The following PCDH9 variants were observed in gnomAD, a reference collection of about 807,000 sequenced individuals.
The protein encoded by PCDH9 is protocadherin 9.
In PCDH9, 24 loss-of-function variants were observed where a neutral mutation model predicts 70.6. The ratio of observed to expected loss-of-function variants is 0.34; its 90% confidence interval spans 0.25 to 0.48. The LOEUF is 0.48. Among genes scored for constraint, PCDH9 ranks in the 20% least tolerant of loss-of-function variants. The pLI, the probability that PCDH9 is intolerant of heterozygous loss-of-function variation, is 0.99. For missense variants in PCDH9, 1,281 were observed against 1,503.6 expected, an observed-to-expected ratio of 0.85 and a Z score of 2.45; for synonymous variants, 562 against 558.5, an observed-to-expected ratio of 1.01 and a Z score of -0.09.
chr13:66,404,793 T>C (rs1212244245), intron 4 of PCDH9, among the ~76,000 whole-genome samples: 1 of 152,170 alleles, frequency 6.6e-6, no homozygotes, highest in East Asian at 1.9e-4. Context: ...TTTTCCCCCC[T>C]TTCTACTTTA....
chr13:66,669,785 C>T lies in PCDH9; in HGVS notation c.3139-38374G>A, dbSNP rs138976969. Among the ~76,000 whole-genome samples, 173 of 152,134 alleles carry T rather than the reference C, an allele frequency of 1.1e-3. 1 individual carries two copies. The highest frequency in any genetic ancestry group is 1.9e-3 in the Non-Finnish European group (128 of 67,998). On this transcript the variant is annotated intron_variant, in intron 3 of 4. Transcript: ENST00000377865. ...GTAAACATCATTCTCTTTCATTCCACGGTGGGAAAAACAAACCTTTTCCTC... is the reference window on the plus strand; with the variant it reads ...GTAAACATCATTCTCTTTCATTCCATGGTGGGAAAAACAAACCTTTTCCTC...
At chr13:66,595,342 C>A (rs1488793387) in intron 4 of PCDH9, among the ~76,000 whole-genome samples, 1 of 151,704 alleles carries the variant, frequency 6.6e-6, no homozygotes, top group East Asian at 1.9e-4. Context: ...CACACATGAT[C>A]ACCCCAATTG....
At chr13:66,688,568 A>C (rs953321573) in intron 3 of PCDH9, among the ~76,000 whole-genome samples, 2 of 152,126 alleles carry the variant, frequency 1.3e-5, no homozygotes, top group Non-Finnish European at 2.9e-5. Flanking sequence ...AATAGATGTA[A>C]GTATTGAAGC....
intron 4 of PCDH9, among the ~76,000 whole-genome samples, chr13:66,561,390 C>A (rs1163078921): frequency 7.2e-5 from 11 of 152,216 alleles, no homozygotes; most frequent in African/African-American, 2.7e-4. Context: ...ATCCACCACC[C>A]AAGGGCTGAG....
At chr13:66,519,746 C>T (rs183278371) in intron 4 of PCDH9, among the ~76,000 whole-genome samples, 57 of 152,224 alleles carry the variant, frequency 3.7e-4, no homozygotes, top group African/African-American at 1.3e-3. Context: ...GTATCATTCT[C>T]AATTATATAA....
intron 4 of PCDH9, among the ~76,000 whole-genome samples, chr13:66,536,879 T>C (rs949594861): frequency 3.9e-5 from 6 of 152,018 alleles, no homozygotes; most frequent in Non-Finnish European, 1.5e-5. Flanking sequence ...AGTTGAAGAA[T>C]TAAAAAAAGT....
intron 3 of PCDH9, among the ~76,000 whole-genome samples, chr13:66,753,954 CATTG>C (rs1219725971): frequency 1.3e-5 from 2 of 152,116 alleles, no homozygotes; most frequent in African/African-American, 2.4e-5. Flanking sequence ...GTTAGAAATG[CATTG>C]ATTATTAATG....
chr13:67,171,695 G>T (rs924822613), intron 2 of PCDH9, among the ~76,000 whole-genome samples: 10 of 152,130 alleles, frequency 6.6e-5, no homozygotes, highest in African/African-American at 2.2e-4. Flanking sequence ...TTTGAATTCT[G>T]CCTCAGTGAC....
At chr13:66,634,738 T>G (rs2077615561) in intron 3 of PCDH9, among the ~76,000 whole-genome samples, 1 of 152,152 alleles carries the variant, frequency 6.6e-6, no homozygotes, top group Non-Finnish European at 1.5e-5. Flanking sequence ...TTTTTAAAGC[T>G]TATGGTCTAT....
At chr13:66,467,229 T>C (rs141518640) in intron 4 of PCDH9, among the ~76,000 whole-genome samples, 145 of 152,176 alleles carry the variant, frequency 9.5e-4, no homozygotes, top group African/African-American at 3.3e-3. Context: ...AATATGTACA[T>C]GTGGAAAAAA....
At position 67,143,737 on chromosome 13, in the gene PCDH9, C is replaced by T. The variant is rs575218831; in HGVS notation, c.3036+81668G>A. Among the ~76,000 whole-genome samples, 3 of 152,144 alleles carry T rather than the reference C, an allele frequency of 2.0e-5. No individual in the cohort carries two copies. The East Asian group carries it at 5.8e-4, about 29-fold the overall frequency. The stretch of plus-strand genomic sequence containing the variant: ...ACTGCTGGCCAAACAATAGACCAGA[C>T]CCTGAGGAAGAAAAGCAGAAGGGAG... On this transcript the variant is annotated intron_variant, in intron 2 of 4. Coordinates refer to ENST00000377865, the MANE Select transcript of PCDH9 (RefSeq NM_203487.3).
chr13:66,761,751 T>C (rs1185472442), intron 3 of PCDH9, among the ~76,000 whole-genome samples: 3 of 152,190 alleles, frequency 2.0e-5, no homozygotes, highest in Admixed American at 2.0e-4. Context: ...AAATTTCTAG[T>C]TCGGATAACA....
intron 4 of PCDH9, among the ~76,000 whole-genome samples, chr13:66,497,439 C>T (rs977367045): frequency 3.3e-5 from 5 of 152,048 alleles, no homozygotes; most frequent in African/African-American, 4.8e-5. Flanking sequence ...TAGCATTTTG[C>T]GAAATCCTAC....
chr13:66,762,452 C>T (rs1176248186), intron 3 of PCDH9, among the ~76,000 whole-genome samples: 4 of 152,048 alleles, frequency 2.6e-5, no homozygotes, highest in Non-Finnish European at 5.9e-5. Context: ...AAATCCTGTG[C>T]TCACTTCCCA....
At chr13:66,636,649 G>T (rs906739224) in intron 3 of PCDH9, among the ~76,000 whole-genome samples, 1 of 151,946 alleles carries the variant, frequency 6.6e-6, no homozygotes, top group Non-Finnish European at 1.5e-5. Flanking sequence ...ATATCTTCTC[G>T]TGGAAACATT....
At chr13:66,853,201 CAAT>C (rs71207610) in intron 3 of PCDH9, among the ~76,000 whole-genome samples, 40,929 of 145,680 alleles carry the variant, frequency 0.28, 6,291 homozygotes, top group Admixed American at 0.35. Flanking sequence ...TGAATAGTAG[CAAT>C]AATAATAATA....
chr13:66,814,252 C>T (rs1349435077), intron 3 of PCDH9, among the ~76,000 whole-genome samples: 1 of 152,138 alleles, frequency 6.6e-6, no homozygotes, highest in Non-Finnish European at 1.5e-5. Context: ...TGACTACTCT[C>T]AGAGTAATTA....
At chr13:66,361,576 G>A (rs953105318) in intron 4 of PCDH9, among the ~76,000 whole-genome samples, 1 of 151,694 alleles carries the variant, frequency 6.6e-6, no homozygotes, top group African/African-American at 2.4e-5. Flanking sequence ...AGAAAATTAA[G>A]GCAAAAATGA....
rs769828344 is a variant in PCDH9, at chr13:67,226,143, C to A, written c.2298G>T (p.Thr766=). Residue 766 remains threonine, a synonymous_variant, in exon 2 of 5, where the codon ACG becomes ACT. Coordinates refer to ENST00000377865, the MANE Select transcript of PCDH9 (RefSeq NM_203487.3). This position sits in a 1 kb window ranked among gnomAD's most constrained non-coding sequence, Gnocchi z 5.0. Reference sequence around the variant, plus strand: ...TAACATAAAGGAATACAAGCACAAGCGTGTGCAAAGACTTAGGGTACCCCA... The same window carrying A: ...TAACATAAAGGAATACAAGCACAAGAGTGTGCAAAGACTTAGGGTACCCCA... ...SDLGYPKSLH[T]LVLVFLYVND... 1 of 1,614,104 alleles carries A rather than the reference C, an allele frequency of 6.2e-7. No homozygotes were observed. Among genetic ancestry groups the A allele is most frequent in the Non-Finnish European group, 8.5e-7 (1 of 1,180,020 alleles).
Sources: gnomAD v4.1 joint callset for allele counts (sites outside exome capture counted in the v4.1 genomes callset) on GRCh38, gnomAD v4.1.1 for gene constraint, Gnocchi (gnomAD v3.1) non-coding constraint, MANE v1.5 for transcripts, NCBI Gene and HGNC (gene_info 2026-07-23, HGNC 2026-07-21) for gene names.